SORCS1: variants seen among roughly 807,000 people sequenced by gnomAD.
SORCS1 encodes sortilin related VPS10 domain containing receptor 1.
Under a neutral mutation model 146.1 loss-of-function variants are expected in SORCS1, and 60 were observed. The ratio of observed to expected loss-of-function variants is 0.41; its 90% confidence interval spans 0.33 to 0.51. The LOEUF (loss-of-function observed/expected upper bound fraction) is 0.51. Ranked by LOEUF, SORCS1 falls within the 20% of genes least tolerant of loss-of-function variation. The probability of loss-of-function intolerance (pLI) is 0.21; values close to 1 mark genes in which losing one functional copy is unlikely to be tolerated. For missense variants in SORCS1, 1,352 were observed against 1,487.6 expected (o/e 0.91, Z 1.50); for synonymous variants, 637 against 584.0 (o/e 1.09, Z -1.31).
chr10:106,991,424 A>G (rs1219678078), intron 1 of SORCS1, among the ~76,000 whole-genome samples: 1 of 152,230 alleles, frequency 6.6e-6, no homozygotes, highest in Non-Finnish European at 1.5e-5. Flanking sequence ...GTTGGATTTA[A>G]CTGGTGAGCT....
At chr10:107,076,448 G>A (rs898352794) in intron 1 of SORCS1, among the ~76,000 whole-genome samples, 1 of 152,012 alleles carries the variant, frequency 6.6e-6, no homozygotes, top group Admixed American at 6.6e-5. Flanking sequence ...CTTCTAAACT[G>A]TATGCACAAT....
At chr10:106,882,763 C>T (rs1018875727) in intron 2 of SORCS1, among the ~76,000 whole-genome samples, 7 of 152,092 alleles carry the variant, frequency 4.6e-5, no homozygotes, top group African/African-American at 1.7e-4. Context: ...CAAAGGGATT[C>T]ACTAGAGAAT....
chr10:106,641,179 G>A (rs1037985107), intron 18 of SORCS1, among the ~76,000 whole-genome samples: 10 of 152,294 alleles, frequency 6.6e-5, no homozygotes, highest in Admixed American at 3.9e-4. Context: ...GAATAGCTAT[G>A]TGGCTCTCTG....
At chr10:106,737,665 C>T (rs887515243) in intron 5 of SORCS1, among the ~76,000 whole-genome samples, 1 of 152,066 alleles carries the variant, frequency 6.6e-6, no homozygotes, top group Non-Finnish European at 1.5e-5. Context: ...GCAGGGGTTG[C>T]AGTGAGCCGA....
chr10:106,717,806 C>T (rs577452157), intron 6 of SORCS1, among the ~76,000 whole-genome samples: 2 of 152,196 alleles, frequency 1.3e-5, no homozygotes, highest in East Asian at 1.9e-4. Context: ...GCATGGTGAG[C>T]GCATTCTAGG....
At chr10:106,590,091 C>T (rs1589676484) in intron 24 of SORCS1, among the ~76,000 whole-genome samples, 1 of 152,124 alleles carries the variant, frequency 6.6e-6, no homozygotes, top group Non-Finnish European at 1.5e-5. Context: ...GGGTATATAT[C>T]TAGAAGCCCC....
intron 9 of SORCS1, among the ~76,000 whole-genome samples, chr10:106,693,840 T>A (rs1327460221): frequency 6.6e-6 from 1 of 152,188 alleles, no homozygotes; most frequent in African/African-American, 2.4e-5. Flanking sequence ...AAACCTTTTG[T>A]AAGTTCCATG....
chr10:106,741,956 T>C (rs547308503), intron 5 of SORCS1, among the ~76,000 whole-genome samples: 4 of 152,298 alleles, frequency 2.6e-5, no homozygotes, highest in South Asian at 2.1e-4. Flanking sequence ...TTTTCCATAC[T>C]TCGTCAGATT....
At chr10:107,164,892 C>A (rs911078391), upstream of SORCS1, among the ~76,000 whole-genome samples, 2 of 147,800 alleles carry the variant, frequency 1.4e-5, no homozygotes, top group African/African-American at 2.4e-5. The surrounding 1 kb of genome is among the most constrained non-coding windows in gnomAD (Gnocchi z 6.8). Flanking sequence ...GCGCTGGAGG[C>A]GCCGCCGGCG....
chr10:106,754,353 A>G (rs1161451577), intron 5 of SORCS1, among the ~76,000 whole-genome samples: 2 of 152,232 alleles, frequency 1.3e-5, no homozygotes, highest in Non-Finnish European at 2.9e-5. Context: ...GGGAGAGATC[A>G]AGCTCTTATG....
chr10:106,796,089 C>T (rs961354253), intron 3 of SORCS1, among the ~76,000 whole-genome samples: 4 of 152,186 alleles, frequency 2.6e-5, no homozygotes, highest in African/African-American at 9.7e-5. Context: ...TGCCATTTCT[C>T]ACCATTAATT....
intron 1 of SORCS1, among the ~76,000 whole-genome samples, chr10:107,114,669 T>G (rs1379157713): frequency 6.6e-6 from 1 of 152,074 alleles, no homozygotes; most frequent in East Asian, 1.9e-4. Flanking sequence ...TGAAAAAATT[T>G]AAAGCTTTTC....
At chr10:106,779,611 C>T (rs1039117794) in intron 3 of SORCS1, among the ~76,000 whole-genome samples, 5 of 142,278 alleles carry the variant, frequency 3.5e-5, no homozygotes, top group Non-Finnish European at 7.5e-5. Flanking sequence ...AATGCAGTGA[C>T]ACAATCTCAG....
At chr10:107,163,182 C>A (rs1969836615) in intron 1 of SORCS1, among the ~76,000 whole-genome samples, 1 of 152,198 alleles carries the variant, frequency 6.6e-6, no homozygotes, top group Non-Finnish European at 1.5e-5. Flanking sequence ...TTCCTGCCTT[C>A]ATAAAGGGAA....
intron 1 of SORCS1, among the ~76,000 whole-genome samples, chr10:107,137,075 T>C (rs535456691): frequency 1.3e-5 from 2 of 152,322 alleles, no homozygotes; most frequent in African/African-American, 4.8e-5. Flanking sequence ...AGGCTCCCCA[T>C]GGGCCCTTTA....
chr10:107,080,976 A>C (rs995778989), intron 1 of SORCS1, among the ~76,000 whole-genome samples: 18 of 152,228 alleles, frequency 1.2e-4, no homozygotes, highest in African/African-American at 7.2e-5. Flanking sequence ...ATTTATCATA[A>C]CATTTAGTCA....
chr10:106,740,083 C>A (rs757187115), intron 5 of SORCS1, among the ~76,000 whole-genome samples: 1 of 151,958 alleles, frequency 6.6e-6, no homozygotes, highest in African/African-American at 2.4e-5. Context: ...ACACATCAAG[C>A]AAGGGGGGGA....
chr10:106,905,964 T>A (rs1159063023), intron 2 of SORCS1, among the ~76,000 whole-genome samples: 1 of 152,222 alleles, frequency 6.6e-6, no homozygotes, highest in Non-Finnish European at 1.5e-5. Flanking sequence ...CTAACTTAAT[T>A]TCTATCCTCT....
intron 2 of SORCS1, among the ~76,000 whole-genome samples, chr10:106,872,059 A>T (rs1950427445): frequency 6.6e-6 from 1 of 152,270 alleles, no homozygotes; most frequent in African/African-American, 2.4e-5. Flanking sequence ...ATGGAGCTTA[A>T]ATTCTAGTGG....
Sources: gnomAD v4.1 joint callset for allele counts (sites outside exome capture counted in the v4.1 genomes callset) on GRCh38, gnomAD v4.1.1 for gene constraint, Gnocchi (gnomAD v3.1) non-coding constraint, MANE v1.5 for transcripts, NCBI Gene and HGNC (gene_info 2026-07-23, HGNC 2026-07-21) for gene names.